VWCE: variants seen among roughly 807,000 people sequenced by gnomAD.
VWCE encodes the protein von Willebrand factor C and EGF domain-containing protein.
A neutral mutation model predicts 102.9 loss-of-function variants in VWCE; 68 were observed. The ratio of observed to expected loss-of-function variants is 0.66; its 90% confidence interval spans 0.54 to 0.81. The LOEUF is 0.81. Among genes scored for constraint, VWCE ranks in the 30% least tolerant of loss-of-function variants. The pLI, the probability that VWCE is intolerant of heterozygous loss-of-function variation, is 0.00. For synonymous variants in VWCE, 497 were observed against 515.4 expected, an observed-to-expected ratio of 0.96 and a Z score of 0.48; for missense variants, 1,137 against 1,263.6, an observed-to-expected ratio of 0.90 and a Z score of 1.52.
At chr11:61,261,729 C>A (rs1000717615) in intron 19 of VWCE, among the ~76,000 whole-genome samples, 3 of 151,560 alleles carry the variant, frequency 2.0e-5, no homozygotes, top group Non-Finnish European at 4.4e-5. Context: ...TTGCTTGAGC[C>A]CAGGGGTCGA....
intron 7 of VWCE, 66 bp downstream of exon 7, chr11:61,281,720 G>T (rs1296416006): frequency 1.2e-5 from 19 of 1,536,472 alleles, no homozygotes; most frequent in Non-Finnish European, 8.8e-7. Flanking sequence ...GCTATGGGGG[G>T]GCGTAGCTGG....
Position 61,258,870 on chromosome 11 carries a change from A to C in VWCE, c.2673T>G (p.Pro891=), listed in dbSNP as rs1565213130. ...CTGAAGCTTCCGTCAGGAGGGTGCC[A>C]GGCAGAGGAGGCCACCTGGACACTA... is the stretch of plus-strand genomic sequence containing the variant. ...AQIVSRWPPL[P]GTLLTEASAL... is the part of the protein sequence containing the mutation. The change falls in exon 20 of 20, where the codon CCT becomes CCG. Residue 891 remains proline (P), a synonymous_variant. Transcript: ENST00000335613. 2 of 1,519,410 alleles carry C rather than the reference A, an allele frequency of 1.3e-6. No homozygotes were observed. The highest frequency in any genetic ancestry group is 1.8e-6 in the Non-Finnish European group (2 of 1,135,800). The allele number at this position is 1,519,410 out of a possible 1,614,324, so 94.1% of individuals were successfully genotyped here.
chr11:61,264,390 T>C, intron 19 of VWCE, 97 bp downstream of exon 19: 1 of 1,265,128 alleles, frequency 7.9e-7, no homozygotes, highest in South Asian at 1.3e-5. Flanking sequence ...AACATGGCTT[T>C]CTCTTATCCA....
chr11:61,274,691 C>T lies in VWCE; in HGVS notation c.1496-107G>A, dbSNP rs111711297. ...CCCCGGGGCACTTAACACACACCCA[C>T]AACACTCCACAGCATGCTCCGTGCC... On this transcript the variant is annotated intron_variant, in intron 11 of 19. Coordinates refer to ENST00000335613, the MANE Select transcript of VWCE (RefSeq NM_152718.2). 20 of 843,856 alleles carry T rather than the reference C, an allele frequency of 2.4e-5. 1 individual carries two copies. The highest frequency in any genetic ancestry group is 2.3e-4 in the Middle Eastern group (1 of 4,420). 52.3% of individuals were successfully genotyped at this position (843,856 alleles called of 1,614,324 possible). A position where few individuals can be genotyped will look rare whatever the true frequency, so the allele number is the denominator to read the frequency against.
At chr11:61,290,972 C>A (rs879575686) in intron 3 of VWCE, 45 bp from the exon 4 acceptor site, 14 of 1,584,634 alleles carry the variant, frequency 8.8e-6, no homozygotes, top group Non-Finnish European at 1.2e-5. Flanking sequence ...CGTGGCAGTC[C>A]CAACCATCCC....
intron 19 of VWCE, among the ~76,000 whole-genome samples, chr11:61,261,047 A>T (rs541602485): frequency 2.0e-5 from 3 of 152,244 alleles, no homozygotes; most frequent in Admixed American, 2.0e-4. Context: ...CAACATGGTG[A>T]AACTCCATCT....
chr11:61,295,047 C>A lies in VWCE; in HGVS notation c.-10G>T. The A allele has an allele frequency of 7.3e-7, 1 of 1,364,250 alleles. No individual in the cohort carries two copies. The highest frequency in any genetic ancestry group is 1.7e-5 in the South Asian group (1 of 60,270). The allele number at this position is 1,364,250 out of a possible 1,614,324, so 84.5% of individuals were successfully genotyped here. A position where few individuals can be genotyped will look rare whatever the true frequency, so the allele number is the denominator to read the frequency against. On this transcript the variant is annotated 5_prime_UTR_variant, in exon 1 of 20. Transcript: ENST00000335613. The surrounding 1 kb of genome is among the most constrained non-coding windows in gnomAD (Gnocchi z 4.6). ...GCAGTCCGGCCCACATGACCGGCGGCGGCGGGTCCCCCGGGCTGGGCTCGG... is the reference window on the plus strand; with the variant it reads ...GCAGTCCGGCCCACATGACCGGCGGAGGCGGGTCCCCCGGGCTGGGCTCGG...
chr11:61,292,346 T>G (rs945629479), intron 1 of VWCE, among the ~76,000 whole-genome samples: 1 of 152,230 alleles, frequency 6.6e-6, no homozygotes, highest in African/African-American at 2.4e-5. Context: ...TGTCCACCCT[T>G]ACCTTGCTTT....
Position 61,276,632 on chromosome 11 carries a change from G to C in VWCE, c.1456C>G (p.Gln486Glu). 1.2e-6 allele frequency: 2 copies of C among 1,607,976 alleles called. No individual in the cohort carries two copies. The highest frequency in any genetic ancestry group is 1.7e-6 in the Non-Finnish European group (2 of 1,177,168). Residue 486 changes from glutamine to glutamate, a missense_variant, in exon 11 of 20, where the codon CAG (glutamine) becomes GAG (glutamate). Transcript: ENST00000335613. ...ISPECPSGPC[Q>E]TPPQTDCCTC... ...CAGCAATCCGTCTGTGGGGGGGTCT[G>C]ACAGGGGCCAGAAGGACACTCAGGA...
chr11:61,277,510 G>A (rs1413392349), intron 10 of VWCE, among the ~76,000 whole-genome samples: 2 of 152,040 alleles, frequency 1.3e-5, no homozygotes, highest in African/African-American at 4.8e-5. Context: ...CTACCTGGGA[G>A]ACTGAGATGG....
In VWCE at chr11:61,286,869, G is replaced by A. The variant is rs562285748; in HGVS notation, c.425-439C>T. Among the ~76,000 whole-genome samples the A allele has an allele frequency of 1.7e-4, 25 of 151,402 alleles. 1 individual carries two copies. Among genetic ancestry groups the A allele is most frequent in the East Asian group, 3.9e-4 (2 of 5,090 alleles). On this transcript the variant is annotated intron_variant, in intron 4 of 19. Transcript: ENST00000335613. ...TCCCAGCTCATTGGGAGGCTGAGGC[G>A]GGCAGATCACGAGGTCAGGAGATCA...
At chr11:61,283,054 C>G in intron 5 of VWCE, 149 bp from the exon 6 acceptor site, 1 of 717,434 alleles carries the variant, frequency 1.4e-6, no homozygotes, top group East Asian at 2.5e-5. Context: ...CTGCCCACAT[C>G]CAGTCCTAAA....
At chr11:61,293,622 A>T (rs992634453) in intron 1 of VWCE, among the ~76,000 whole-genome samples, 1 of 151,926 alleles carries the variant, frequency 6.6e-6, no homozygotes, top group African/African-American at 2.4e-5. Context: ...GGGACAAGAA[A>T]CCCCTTCCCA....
At position 61,295,029 on chromosome 11, in the gene VWCE, G is replaced by C; in HGVS notation, c.9C>G (p.Ala3=). The C allele has an allele frequency of 7.1e-7, 1 of 1,406,426 alleles. No homozygotes were observed. The highest frequency in any genetic ancestry group is 9.3e-7 in the Non-Finnish European group (1 of 1,076,660). The allele number at this position is 1,406,426 out of a possible 1,614,324, so 87.1% of individuals were successfully genotyped here. The change falls in exon 1 of 20, where the codon GCC becomes GCG. Residue 3 remains alanine (A), a synonymous_variant. Transcript: ENST00000335613. The surrounding 1 kb of genome is among the most constrained non-coding windows in gnomAD (Gnocchi z 4.6). The part of the protein sequence containing the change: MW[A]GLLLRAACVA... ...CACAGGCGGCCCGAAGGAGCAGTCC[G>C]GCCCACATGACCGGCGGCGGCGGGT...
chr11:61,289,855 T>C (rs954928523), intron 4 of VWCE, among the ~76,000 whole-genome samples: 1 of 152,204 alleles, frequency 6.6e-6, no homozygotes, highest in Non-Finnish European at 1.5e-5. Context: ...ATCTCTTGCT[T>C]TTCTATTCAG....
chr11:61,271,679 C>A lies in VWCE; in HGVS notation c.1781G>T (p.Cys594Phe), dbSNP rs528803428. The A allele has an allele frequency of 6.2e-7, 1 of 1,612,020 alleles. No individual in the cohort carries two copies. The highest frequency in any genetic ancestry group is 8.5e-7 in the Non-Finnish European group (1 of 1,179,176). Residue 594 changes from cysteine to phenylalanine, a missense_variant, in exon 14 of 20, where the codon TGC (cysteine) becomes TTC (phenylalanine). Cys to Phe is a radical substitution (Grantham distance 205). Coordinates refer to ENST00000335613, the MANE Select transcript of VWCE (RefSeq NM_152718.2). Reference protein sequence around the residue: ...SPGDPCELCICQADGSVSCKR... With the variant: ...SPGDPCELCIFQADGSVSCKR... ...GGCGAGCAGGTTGTCATTCACCTGG[C>A]AGATGCATAACTCACAGGGGTCACC...
rs749511069 is a variant in VWCE at position 61,264,471 on chromosome 11, C to T, written c.2230+16G>A. 5.0e-6 allele frequency: 8 copies of T among 1,611,390 alleles called. No individual in the cohort carries two copies. The Admixed American group carries it at 1.2e-4, about 24-fold the overall frequency. ...GAAGATGGCGGAGAAACTCCAGGAC[C>T]CAGAGACCCACTTACCTGGACAGGA... On this transcript the variant is annotated intron_variant, in intron 19 of 19. Transcript: ENST00000335613.
Position 61,281,244 on chromosome 11 carries a change from G to T in VWCE, c.788-9C>A, listed in dbSNP as rs771559204. 6.2e-7 allele frequency: 1 copy of T among 1,611,830 alleles called. No homozygotes were observed. Among genetic ancestry groups the T allele is most frequent in the African/African-American group, 1.3e-5 (1 of 74,842 alleles). On this transcript the variant is annotated splice_polypyrimidine_tract_variant and intron_variant, in intron 7 of 19. Coordinates refer to ENST00000335613, the MANE Select transcript of VWCE (RefSeq NM_152718.2). ...CACGGCTTTCGGGAAAGCTGAAACAGAAGCACGGAGGTCTCTTGGGGTGGA... is the reference window on the plus strand; with the variant it reads ...CACGGCTTTCGGGAAAGCTGAAACATAAGCACGGAGGTCTCTTGGGGTGGA...
chr11:61,258,738 G>A lies in VWCE; in HGVS notation c.2805C>T (p.Thr935=), dbSNP rs916024983. The A allele has an allele frequency of 3.6e-6, 5 of 1,394,902 alleles. No homozygotes were observed. The highest frequency in any genetic ancestry group is 4.7e-6 in the Non-Finnish European group (5 of 1,070,836). 86.4% of individuals were successfully genotyped at this position (1,394,902 alleles called of 1,614,324 possible). A position where few individuals can be genotyped will look rare whatever the true frequency, so the allele number is the denominator to read the frequency against. The change falls in exon 20 of 20, where the codon ACC becomes ACT. Residue 935 remains threonine, a synonymous_variant. Transcript: ENST00000335613. ...GGGGCTGCTGGGGGCCAGGGTGGGT[G>A]GTGGCTGCAAGGGCTGTGGAGAGTC... The part of the protein sequence containing the change: ...TSRLSTALAA[T]THPGPQQPPV...
Sources: allele counts gnomAD v4.1 joint callset (sites outside exome capture counted in the v4.1 genomes callset), GRCh38; gene constraint gnomAD v4.1.1; non-coding constraint Gnocchi (gnomAD v3.1); transcripts MANE v1.5; gene names NCBI Gene and HGNC (gene_info 2026-07-23, HGNC 2026-07-21).